The following VPS37B variants were observed in gnomAD, a reference collection of about 807,000 sequenced individuals.
VPS37B encodes vacuolar protein sorting-associated protein 37B.
Under a neutral mutation model 21.2 loss-of-function variants are expected in VPS37B, and 11 were observed. The ratio of observed to expected loss-of-function variants is 0.52; its 90% CI spans 0.33 to 0.86. The LOEUF is 0.86. VPS37B is among the 40% of genes least tolerant of loss of function. The pLI, the probability that VPS37B is intolerant of heterozygous loss-of-function variation, is 0.03. For synonymous variants in VPS37B, 175 were observed against 159.6 expected, an observed-to-expected ratio of 1.10 and a Z score of -0.73; for missense variants, 389 against 374.8, an observed-to-expected ratio of 1.04 and a Z score of -0.31.
At chr12:122,888,756 T>G in intron 1 of VPS37B, 1 of 350,908 alleles carries the variant, frequency 2.8e-6, no homozygotes, top group Non-Finnish European at 5.8e-6. Context: ...AGCTCTTTCC[T>G]TCTCCCAACC....
chr12:122,871,799 A>G (rs920353803), intron 1 of VPS37B: 9 of 968,118 alleles, frequency 9.3e-6, no homozygotes, highest in Non-Finnish European at 1.1e-5. Context: ...CAGGAGTAGA[A>G]GGTCTGAGAA....
chr12:122,892,441 A>G (rs2034427728), intron 1 of VPS37B, among the ~76,000 whole-genome samples: 1 of 152,182 alleles, frequency 6.6e-6, no homozygotes. Flanking sequence ...AGCCTCCACA[A>G]AATATCCCCT....
Position 122,868,892 on chromosome 12 carries a change from T to C in VPS37B, c.284-330A>G, listed in dbSNP as rs1050812548. 6.6e-6 allele frequency among the ~76,000 whole-genome samples: 1 copy of C among 152,170 alleles called. No homozygotes were observed. The highest frequency in any genetic ancestry group is 2.4e-5 in the African/African-American group (1 of 41,432). ...CAAGTGTGTAAGTCAAATTTCCACG[T>C]GTTTAACCGCCAACCACCACCCCCC... On this transcript the variant is annotated intron_variant, in intron 2 of 3. Coordinates refer to ENST00000267202, the MANE Select transcript of VPS37B (RefSeq NM_024667.3). This position sits in a 1 kb window ranked among gnomAD's most constrained non-coding sequence, Gnocchi z 5.5.
chr12:122,867,427 G>A lies in VPS37B; in HGVS notation c.547C>T (p.Leu183=), dbSNP rs1315482981. 10 of 1,606,604 alleles carry A rather than the reference G, an allele frequency of 6.2e-6. No homozygotes were observed. In the African/African-American group the frequency reaches 1.2e-4, roughly 20 times the overall value. Residue 183 remains leucine (L), a synonymous_variant, in exon 4 of 4, where the codon CTG becomes TTG. Transcript: ENST00000267202. This position sits in a 1 kb window ranked among gnomAD's most constrained non-coding sequence, Gnocchi z 5.5. ...TAGGGAAGGGGGGCGGTAGGTGCCA[G>A]TTCGGGCAGCCTGGGGGGCAGCGGG... ...LAPLPPRLPE[L]APTAPLPYPA...
In VPS37B at chr12:122,870,987, G is replaced by A; in HGVS notation, c.186C>T (p.Tyr62=). ...NRSLAEGNLL[Y]QPQLDTLKAR... ...CTTTCAACGTGTCCAGCTGGGGCTG[G>A]TACAAAAGGTTTCCTTCTGCCAGGC... Residue 62 remains tyrosine, a synonymous_variant, in exon 2 of 4, where the codon TAC becomes TAT. Coordinates refer to ENST00000267202, the MANE Select transcript of VPS37B (RefSeq NM_024667.3). 1 of 1,614,198 alleles carries A rather than the reference G, an allele frequency of 6.2e-7. No individual in the cohort carries two copies. The highest frequency in any genetic ancestry group is 8.5e-7 in the Non-Finnish European group (1 of 1,180,042).
intron 1 of VPS37B, chr12:122,885,723 G>A (rs1257563915): frequency 5.4e-5 from 6 of 111,158 alleles, no homozygotes; most frequent in South Asian, 6.0e-4. Context: ...TCGCTCTGTC[G>A]CCCAGGCTGG....
intron 1 of VPS37B, chr12:122,882,732 A>G (rs1236262130): frequency 6.6e-6 from 1 of 152,204 alleles, no homozygotes; most frequent in Non-Finnish European, 1.5e-5. Context: ...TTTGAGTTTG[A>G]GCTTTACATT....
At chr12:122,885,244 C>T (rs1249801559) in intron 1 of VPS37B, 3 of 150,314 alleles carry the variant, frequency 2.0e-5, no homozygotes, top group Non-Finnish European at 3.0e-5. Context: ...TGCCTAGACA[C>T]TTAAGACTTA....
chr12:122,871,911 C>G (rs1365030911), intron 1 of VPS37B: 2 of 985,296 alleles, frequency 2.0e-6, no homozygotes, highest in Non-Finnish European at 2.4e-6. Context: ...TGATCGGCTT[C>G]CTCTACCACA....
chr12:122,886,382 G>A (rs1365794483), intron 1 of VPS37B: 1 of 152,198 alleles, frequency 6.6e-6, no homozygotes, highest in Non-Finnish European at 1.5e-5. Context: ...ACACTCGAGA[G>A]GCCAAGGCAG....
intron 2 of VPS37B, 64 bp downstream of exon 2, chr12:122,870,826 A>T (rs1046032531): frequency 1.9e-5 from 30 of 1,541,188 alleles, no homozygotes; most frequent in Non-Finnish European, 2.5e-5. Flanking sequence ...TGGTAGGGCA[A>T]TAGCTTGAAA....
intron 1 of VPS37B, chr12:122,880,905 T>C (rs1446615018): frequency 6.6e-6 from 1 of 152,202 alleles, no homozygotes; most frequent in Non-Finnish European, 1.5e-5. Flanking sequence ...CCCATCCTCC[T>C]ACGTAAGGCA....
intron 2 of VPS37B, among the ~76,000 whole-genome samples, chr12:122,869,686 T>C (rs2033983484): frequency 6.6e-6 from 1 of 152,228 alleles, no homozygotes; most frequent in African/African-American, 2.4e-5. Flanking sequence ...CACAGTTCAC[T>C]GTGGCCTCAG....
At chr12:122,875,223 A>ATTTTTTTTTTTTTTTT (rs34993068) in intron 1 of VPS37B, 4 of 95,998 alleles carry the variant, frequency 4.2e-5, no homozygotes, top group African/African-American at 4.1e-5. Flanking sequence ...CACCTGGCTA[A>ATTTTTTTTTTTTTTTT]TTTTTTTTTT....
Position 122,867,290 on chromosome 12 carries a change from A to G in VPS37B, c.684T>C (p.Ser228=). 1 of 1,480,264 alleles carries G rather than the reference A, an allele frequency of 6.8e-7. No homozygotes were observed. The highest frequency in any genetic ancestry group is 2.9e-5 in the East Asian group (1 of 34,684). 91.7% of individuals were successfully genotyped at this position (1,480,264 alleles called of 1,614,324 possible). A position where few individuals can be genotyped will look rare whatever the true frequency, so the allele number is the denominator to read the frequency against. ...CTGGGTACGGCACGGCCTGTCCCGAACTCATGGCCGCAGTAAACGGGGTGG... is the reference window on the plus strand; with the variant it reads ...CTGGGTACGGCACGGCCTGTCCCGAGCTCATGGCCGCAGTAAACGGGGTGG... ...RLATPFTAAM[S]SGQAVPYPGL... Residue 228 remains serine, a synonymous_variant, in exon 4 of 4, where the codon AGT becomes AGC. Transcript: ENST00000267202. The surrounding 1 kb of genome is among the most constrained non-coding windows in gnomAD (Gnocchi z 5.5).
chr12:122,895,753 C>A (rs987203208), intron 1 of VPS37B, among the ~76,000 whole-genome samples, 199 bp downstream of exon 1: 7 of 151,828 alleles, frequency 4.6e-5, no homozygotes, highest in African/African-American at 1.7e-4. Context: ...CTCAAACCCC[C>A]TCTCAGGCCC....
chr12:122,881,718 G>T (rs1004834042), intron 1 of VPS37B: 1 of 152,116 alleles, frequency 6.6e-6, no homozygotes, highest in African/African-American at 2.4e-5. Context: ...TCCAGCAGAG[G>T]ATCAAATGGA....
intron 1 of VPS37B, chr12:122,877,086 ATCT>A (rs1371291085): frequency 6.6e-6 from 1 of 152,204 alleles, no homozygotes; most frequent in Non-Finnish European, 1.5e-5. Context: ...TCCAAGCTAA[ATCT>A]TCTTCATGGA....
intron 1 of VPS37B, chr12:122,879,061 G>A (rs2034206921): frequency 6.6e-6 from 1 of 152,388 alleles, no homozygotes. Context: ...CAGCACACAT[G>A]AGAAGCTGGA....
Sources: gnomAD v4.1 joint callset for allele counts (sites outside exome capture counted in the v4.1 genomes callset) on GRCh38, gnomAD v4.1.1 for gene constraint, Gnocchi (gnomAD v3.1) non-coding constraint, MANE v1.5 for transcripts, NCBI Gene and HGNC (gene_info 2026-07-23, HGNC 2026-07-21) for gene names.